The following SEZ6L variants were observed in gnomAD, a reference collection of about 807,000 sequenced individuals.
SEZ6L encodes the protein seizure 6-like protein.
In SEZ6L, 37 loss-of-function variants were observed where a neutral mutation model predicts 106.2. The observed-to-expected ratio is 0.35, with a 90% CI of 0.27 to 0.46. The LOEUF (loss-of-function observed/expected upper bound fraction) is 0.46. Ranked by LOEUF, SEZ6L falls within the 20% of genes least tolerant of loss-of-function variation. The probability of loss-of-function intolerance (pLI) is 1.00; values close to 1 mark genes in which losing one functional copy is unlikely to be tolerated. For synonymous variants in SEZ6L, 541 were observed against 570.4 expected (o/e 0.95, Z 0.73); for missense variants, 1,172 against 1,332.8 (o/e 0.88, Z 1.88).
At chr22:26,170,343 G>C (rs1299145257) in intron 1 of SEZ6L, among the ~76,000 whole-genome samples, 2 of 152,138 alleles carry the variant, frequency 1.3e-5, no homozygotes, top group Non-Finnish European at 2.9e-5. Context: ...TTTCGCTAGA[G>C]GCCGGTGGAG....
rs76068434 is a variant in SEZ6L, at chr22:26,178,890, C to T, written c.94+9127C>T. Among the ~76,000 whole-genome samples, 264 of 152,194 alleles carry T rather than the reference C, an allele frequency of 1.7e-3. 5 individuals are homozygous for T. The East Asian group carries it at 0.034, about 20-fold the overall frequency. On this transcript the variant is annotated intron_variant, in intron 1 of 16. Coordinates refer to ENST00000248933, the MANE Select transcript of SEZ6L (RefSeq NM_021115.5). ...TGGACCGAGCTGATTCTCAGGTCAG[C>T]GATGGCTTCCAAGAGAGGAAATAGT...
chr22:26,336,209 A>AG (rs1423044492), intron 9 of SEZ6L, among the ~76,000 whole-genome samples: 1 of 151,996 alleles, frequency 6.6e-6, no homozygotes, highest in African/African-American at 2.4e-5. Context: ...TGGGCAAGCC[A>AG]GAAGTTCTAG....
rs527268759 is a variant in SEZ6L, at chr22:26,333,446, C to A, written c.2016-6990C>A. 1.7e-3 allele frequency among the ~76,000 whole-genome samples: 260 copies of A among 152,292 alleles called. 4 individuals are homozygous for A. Among genetic ancestry groups the A allele is most frequent in the Non-Finnish European group, 2.8e-3 (192 of 68,022 alleles). ...TTAACCCTGGGGAGCATGCTGAAAG[C>A]AGCCAGGGCACTGGCTGAGAGGAGT... On this transcript the variant is annotated intron_variant, in intron 9 of 16. Transcript: ENST00000248933.
chr22:26,334,343 CTATTCTGGA>C (rs1335116210), intron 9 of SEZ6L, among the ~76,000 whole-genome samples: 1 of 152,140 alleles, frequency 6.6e-6, no homozygotes, highest in Admixed American at 6.5e-5. Context: ...GTGGATTTCC[CTATTCTGGA>C]TATTCCTTAT....
intron 1 of SEZ6L, among the ~76,000 whole-genome samples, chr22:26,191,985 TC>T (rs1189426369): frequency 3.2e-4 from 27 of 83,654 alleles, no homozygotes; most frequent in East Asian, 8.3e-4. Flanking sequence ...ACTCCATCCA[TC>T]CATCCATCCA....
At chr22:26,201,386 A>G (rs1443195710) in intron 1 of SEZ6L, among the ~76,000 whole-genome samples, 1 of 145,920 alleles carries the variant, frequency 6.9e-6, no homozygotes, top group Non-Finnish European at 1.5e-5. Flanking sequence ...AAAATACAAA[A>G]AAAAAAAAAA....
chr22:26,212,098 A>T (rs1304652144), intron 1 of SEZ6L, among the ~76,000 whole-genome samples: 1 of 152,132 alleles, frequency 6.6e-6, no homozygotes, highest in African/African-American at 2.4e-5. Flanking sequence ...TCCAAAGAGG[A>T]TGGCAGATTT....
At chr22:26,374,718 C>A (rs942782710) in intron 14 of SEZ6L, among the ~76,000 whole-genome samples, 1 of 152,148 alleles carries the variant, frequency 6.6e-6, no homozygotes, top group African/African-American at 2.4e-5. Context: ...TAGATGTGAC[C>A]GTGGAGAATG....
At chr22:26,302,973 A>G (rs1236402563) in intron 5 of SEZ6L, among the ~76,000 whole-genome samples, 1 of 152,082 alleles carries the variant, frequency 6.6e-6, no homozygotes, top group Non-Finnish European at 1.5e-5. Context: ...TTGAGTGCCC[A>G]CTCTGTGCCA....
intron 13 of SEZ6L, among the ~76,000 whole-genome samples, chr22:26,368,050 T>A (rs1189577867): frequency 2.0e-5 from 3 of 152,246 alleles, no homozygotes; most frequent in Non-Finnish European, 4.4e-5. Flanking sequence ...TTTAGGCCAG[T>A]GGATCTTAAC....
In SEZ6L at chr22:26,313,806, T is replaced by C. The variant is rs773969250; in HGVS notation, c.1919T>C (p.Leu640Ser). The change falls in exon 9 of 17, where the codon TTG becomes TCG. Residue 640 changes from leucine (L) to serine (S), a missense_variant. Physicochemically the swap from Leu to Ser is moderately radical, Grantham distance 145. Coordinates refer to ENST00000248933, the MANE Select transcript of SEZ6L (RefSeq NM_021115.5). The stretch of plus-strand genomic sequence containing the variant: ...CTCTCTGCTGTGGCTGGGGTGGTAT[T>C]GTCCCCAAACTGGCCCGAGCCCTAC... ...GELSAVAGVV[L>S]SPNWPEPYVE... 1.2e-6 allele frequency: 2 copies of C among 1,613,182 alleles called. No individual in the cohort carries two copies. Among genetic ancestry groups the C allele is most frequent in the South Asian group, 2.2e-5 (2 of 91,040 alleles).
chr22:26,177,751 C>T (rs1166489270), intron 1 of SEZ6L, among the ~76,000 whole-genome samples: 1 of 152,170 alleles, frequency 6.6e-6, no homozygotes, highest in African/African-American at 2.4e-5. Context: ...GCCCACTTCT[C>T]AGGGATAATA....
chr22:26,373,498 GAAAAA>G lies in SEZ6L; in HGVS notation c.2827+23_2827+27del. 1 of 1,351,904 alleles carries G rather than the reference GAAAAA, an allele frequency of 7.4e-7. No homozygotes were observed. The highest frequency in any genetic ancestry group is 1.5e-5 in the African/African-American group (1 of 65,748). The allele number at this position is 1,351,904 out of a possible 1,614,324, so 83.7% of individuals were successfully genotyped here. ...TGCTTTAGAAGGTGAGTTCCAGAAC[GAAAAA>G]AAAAAAAGTTCAATAAATCAAACTA... On this transcript the variant is annotated intron_variant, in intron 14 of 16. Transcript: ENST00000248933.
At chr22:26,268,835 C>G (rs971364311) in intron 1 of SEZ6L, among the ~76,000 whole-genome samples, 1 of 152,186 alleles carries the variant, frequency 6.6e-6, no homozygotes, top group African/African-American at 2.4e-5. Context: ...AGTTGAGAAC[C>G]AGTGGCCTAT....
intron 9 of SEZ6L, among the ~76,000 whole-genome samples, chr22:26,323,025 C>T (rs921854404): frequency 5.9e-5 from 9 of 152,160 alleles, no homozygotes; most frequent in South Asian, 2.1e-4. Context: ...ATAGAAGATC[C>T]GAGAGGGGCC....
At chr22:26,234,164 G>A (rs2078885754) in intron 1 of SEZ6L, among the ~76,000 whole-genome samples, 1 of 152,176 alleles carries the variant, frequency 6.6e-6, no homozygotes, top group Admixed American at 6.5e-5. Context: ...GGGGTGTCAG[G>A]ATCCAAGAGA....
intron 12 of SEZ6L, among the ~76,000 whole-genome samples, chr22:26,364,459 G>A (rs886665048): frequency 6.6e-5 from 10 of 150,450 alleles, no homozygotes; most frequent in South Asian, 6.3e-4. Context: ...CGAGTGTGGC[G>A]GGACACGCCT....
chr22:26,249,030 T>C (rs1429519802), intron 1 of SEZ6L, among the ~76,000 whole-genome samples: 1 of 152,202 alleles, frequency 6.6e-6, no homozygotes, highest in Non-Finnish European at 1.5e-5. Context: ...ACTTTCTCTT[T>C]TTTAAGTATT....
At chr22:26,240,984 C>T (rs980696903) in intron 1 of SEZ6L, among the ~76,000 whole-genome samples, 4 of 152,120 alleles carry the variant, frequency 2.6e-5, no homozygotes, top group Non-Finnish European at 4.4e-5. Flanking sequence ...CAGAGGAGGG[C>T]AATGGACAGT....
Sources: allele counts gnomAD v4.1 joint callset (sites outside exome capture counted in the v4.1 genomes callset), GRCh38; gene constraint gnomAD v4.1.1; transcripts MANE v1.5; gene names NCBI Gene and HGNC (gene_info 2026-07-23, HGNC 2026-07-21).